TMEM35A: variants seen among roughly 807,000 people sequenced by gnomAD.
The protein encoded by TMEM35A is transmembrane protein 35A.
For missense variants in TMEM35A, 83 were observed against 132.7 expected (o/e 0.63, Z 1.84); for synonymous variants, 50 against 54.7 (o/e 0.91, Z 0.38).
intron 1 of TMEM35A, among the ~76,000 whole-genome samples, chrX:101,082,892 A>G (rs1298077236): frequency 9.0e-6 from 1 of 111,094 alleles, no homozygotes; most frequent in Non-Finnish European, 1.9e-5. Context: ...TGATCCACCC[A>G]TCTCAGCCTC....
At chrX:101,082,133 CTTTTTTTTTTTTT>C in intron 1 of TMEM35A, among the ~76,000 whole-genome samples, 4 of 20,484 alleles carry the variant, frequency 2.0e-4, no homozygotes, top group South Asian at 3.7e-3. Context: ...TTCTTTCTTT[CTTTTTTTTTTTTT>C]TTTTTTTTTT....
chrX:101,089,918 C>T (rs915644159), intron 1 of TMEM35A, among the ~76,000 whole-genome samples: 3 of 111,695 alleles, frequency 2.7e-5, no homozygotes, highest in Non-Finnish European at 5.6e-5. Flanking sequence ...AGTAAAGGTG[C>T]ATTCACTTGT....
At chrX:101,079,263 C>T in intron 1 of TMEM35A, 141 bp downstream of exon 1, 1 of 751,461 alleles carries the variant, frequency 1.3e-6, no homozygotes, top group South Asian at 2.8e-5. Context: ...AACTTTGCAG[C>T]TCGGAAGGAG....
At chrX:101,079,866 G>GCCCTCTGCAGGTTTTC (rs1434159803) in intron 1 of TMEM35A, among the ~76,000 whole-genome samples, 3 of 111,966 alleles carry the variant, frequency 2.7e-5, no homozygotes, top group African/African-American at 9.7e-5. Context: ...CCAGAGCCAG[G>GCCCTCTGCAGGTTTTC]CCCTCTGCAG....
rs1556381270 is a variant in TMEM35A at position 101,090,169 on chromosome X, C to CTTTCTTTTTTTTTTTTTTTTTTTT, written c.121-4401_121-4400insCTTTTTTTTTTTTTTTTTTTTTTT. Among the ~76,000 whole-genome samples the CTTTCTTTTTTTTTTTTTTTTTTTT allele has an allele frequency of 1.8e-3, 180 of 97,443 alleles. 4 individuals are homozygous for CTTTCTTTTTTTTTTTTTTTTTTTT. The highest frequency in any genetic ancestry group is 7.8e-3 in the African/African-American group (176 of 22,696). 84.6% of individuals were successfully genotyped at this position (97,443 alleles called of 115,157 possible). On this transcript the variant is annotated intron_variant, in intron 1 of 1. Transcript: ENST00000372930. ...ACTCTGTCTTTCCATTTCTTTCTTT[C>CTTTCTTTTTTTTTTTTTTTTTTTT]TTTTTTTTTTTGAGACAGAGTCTTG...
At chrX:101,090,165 C>CTTTTTTTTTTT (rs1569495904) in intron 1 of TMEM35A, among the ~76,000 whole-genome samples, 211 of 98,108 alleles carry the variant, frequency 2.2e-3, no homozygotes, top group African/African-American at 9.3e-3. Context: ...CCATTTCTTT[C>CTTTTTTTTTTT]TTTCTTTTTT....
rs756166532 is a variant in TMEM35A, at chrX:101,094,565, C to T, written c.121-8C>T. ...TGCAGTAATTTCCTTACAATATTCTCACTCTAGAAACGTGCTTACAAGAGC... is the reference window on the plus strand; with the variant it reads ...TGCAGTAATTTCCTTACAATATTCTTACTCTAGAAACGTGCTTACAAGAGC... On this transcript the variant is annotated splice_polypyrimidine_tract_variant and splice_region_variant and intron_variant, in intron 1 of 1. Transcript: ENST00000372930. 2.5e-6 allele frequency: 3 copies of T among 1,177,078 alleles called. No individual in the cohort carries two copies. In the African/African-American group the frequency reaches 5.4e-5, roughly 21 times the overall value.
At chrX:101,085,821 C>T (rs1236588644) in intron 1 of TMEM35A, among the ~76,000 whole-genome samples, 1 of 109,047 alleles carries the variant, frequency 9.2e-6, no homozygotes, top group Non-Finnish European at 1.9e-5. Context: ...CCTGTAATCC[C>T]AGCTACTCAG....
At chrX:101,087,103 T>G (rs746393016) in intron 1 of TMEM35A, among the ~76,000 whole-genome samples, 45 of 110,396 alleles carry the variant, frequency 4.1e-4, no homozygotes, top group Non-Finnish European at 7.8e-4. Context: ...ATTACAGGCA[T>G]GCGCCACTAC....
In TMEM35A at chrX:101,094,898, C is replaced by A; in HGVS notation, c.446C>A (p.Ala149Asp). 2.5e-6 allele frequency: 3 copies of A among 1,207,931 alleles called. No individual in the cohort carries two copies. Among genetic ancestry groups the A allele is most frequent in the Non-Finnish European group, 2.2e-6 (2 of 894,791 alleles). The change falls in exon 2 of 2, where the codon GCT (alanine) becomes GAT (aspartate). Residue 149 changes from alanine (A) to aspartate (D), a missense_variant. Transcript: ENST00000372930. ...GAGAAGAAGCCTTTGCCAGGGAATG[C>A]TGAGGAGCAACCCTCCTTATATGAG... ...SSEKKPLPGN[A>D]EEQPSLYEKA...
rs753209976 is a variant in TMEM35A, at chrX:101,089,560, A to G, written c.121-5013A>G. Among the ~76,000 whole-genome samples, 18 of 103,177 alleles carry G rather than the reference A, an allele frequency of 1.7e-4. No homozygotes were observed. In the East Asian group the frequency reaches 5.1e-3, roughly 29 times the overall value. 89.6% of individuals were successfully genotyped at this position (103,177 alleles called of 115,157 possible). A position where few individuals can be genotyped will look rare whatever the true frequency, so the allele number is the denominator to read the frequency against. On this transcript the variant is annotated intron_variant, in intron 1 of 1. Coordinates refer to ENST00000372930, the MANE Select transcript of TMEM35A (RefSeq NM_021637.3). ...ACTTTGGAAAGTTAAGGCAGGCCAC[A>G]TAGCCAGGGGCTGTCTCTAAAAAAA...
intron 1 of TMEM35A, among the ~76,000 whole-genome samples, chrX:101,090,169 C>CTTTCTTTTTTTTTTTTTTTTTTTTTTTT (rs1556381270): frequency 2.2e-4 from 21 of 97,523 alleles, no homozygotes; most frequent in African/African-American, 8.8e-4. Flanking sequence ...TTCTTTCTTT[C>CTTTCTTTTTTTTTTTTTTTTTTTTTTTT]TTTTTTTTTT....
At chrX:101,085,393 G>A (rs1381241931) in intron 1 of TMEM35A, among the ~76,000 whole-genome samples, 1 of 111,060 alleles carries the variant, frequency 9.0e-6, no homozygotes, top group Non-Finnish European at 1.9e-5. Flanking sequence ...CTGAGGCCAG[G>A]AGTTCTAGAC....
intron 1 of TMEM35A, among the ~76,000 whole-genome samples, chrX:101,091,543 G>A (rs1158917288): frequency 3.6e-5 from 4 of 111,124 alleles, no homozygotes; most frequent in Admixed American, 1.9e-4. Flanking sequence ...GGGCTCAATC[G>A]ATCCTCCTGC....
At chrX:101,087,002 G>A (rs1409346992) in intron 1 of TMEM35A, among the ~76,000 whole-genome samples, 1 of 93,728 alleles carries the variant, frequency 1.1e-5, no homozygotes, top group Non-Finnish European at 2.1e-5. Flanking sequence ...TGTTGCACAA[G>A]CTAGAGTGCC....
rs760437935 is a variant in TMEM35A, at chrX:101,093,377, G to A, written c.121-1196G>A. Among the ~76,000 whole-genome samples, 473 of 110,497 alleles carry A rather than the reference G, an allele frequency of 4.3e-3. 2 individuals carry two copies. The highest frequency in any genetic ancestry group is 7.2e-3 in the Non-Finnish European group (378 of 52,821). ...CGCCCAGGCTGGAGCGCAGTGGCAC[G>A]ATCTTGGCTCACTGCAACTTCTGCC... is the stretch of plus-strand genomic sequence containing the variant. On this transcript the variant is annotated intron_variant, in intron 1 of 1. Coordinates refer to ENST00000372930, the MANE Select transcript of TMEM35A (RefSeq NM_021637.3).
intron 1 of TMEM35A, among the ~76,000 whole-genome samples, chrX:101,084,459 T>TC (rs397739782): frequency 9.1e-6 from 1 of 110,440 alleles, no homozygotes; most frequent in Non-Finnish European, 1.9e-5. Context: ...TAGTTTTTTT[T>TC]CCTTGTAAAT....
At chrX:101,085,225 AAT>A (rs933850384) in intron 1 of TMEM35A, among the ~76,000 whole-genome samples, 1 of 112,042 alleles carries the variant, frequency 8.9e-6, no homozygotes, top group Non-Finnish European at 1.9e-5. Context: ...GAGCTGTTCA[AAT>A]ATAATATCAT....
chrX:101,085,537 G>C (rs1399877084), intron 1 of TMEM35A, among the ~76,000 whole-genome samples: 2 of 111,255 alleles, frequency 1.8e-5, no homozygotes, highest in Admixed American at 9.7e-5. Flanking sequence ...GGAGGTGGAG[G>C]CTGCAGTGAG....
Sources: allele counts gnomAD v4.1 joint callset (sites outside exome capture counted in the v4.1 genomes callset), GRCh38; gene constraint gnomAD v4.1.1; transcripts MANE v1.5; gene names NCBI Gene and HGNC (gene_info 2026-07-23, HGNC 2026-07-21).